NAT9: variants seen among roughly 807,000 people sequenced by gnomAD.
The protein encoded by NAT9 is alpha/beta-tubulin-N-acetyltransferase 9.
In NAT9, 18 loss-of-function variants were observed where a neutral mutation model predicts 24.0. The ratio of observed to expected loss-of-function variants is 0.75; its 90% CI spans 0.52 to 1.11. The LOEUF (loss-of-function observed/expected upper bound fraction) is 1.11, where lower values mean the gene tolerates loss of function less well. Among genes scored for constraint, NAT9 ranks in the 50% most tolerant of loss-of-function variants. NAT9 has a pLI of 0.00. For missense variants in NAT9, 254 were observed against 258.6 expected, an observed-to-expected ratio of 0.98 and a Z score of 0.12; for synonymous variants, 104 against 102.3, an observed-to-expected ratio of 1.02 and a Z score of -0.10.
At position 74,773,586 on chromosome 17, in the gene NAT9, T is replaced by C. The variant is rs895774721; in HGVS notation, c.180A>G (p.Glu60=). Residue 60 remains glutamate, a synonymous_variant, in exon 3 of 7, where the codon GAA becomes GAG. Coordinates refer to ENST00000357814, the MANE Select transcript of NAT9 (RefSeq NM_015654.5). ...GGGGGCACTCCTCACTGTCTGCATC[T>C]TCCTGCCAGCTGCACTGCATGGCAT... ...QEYAMQCSWQ[E]DADKCTFIVL... The C allele has an allele frequency of 6.2e-7, 1 of 1,613,848 alleles. No individual in the cohort carries two copies. Among genetic ancestry groups the C allele is most frequent in the Non-Finnish European group, 8.5e-7 (1 of 1,179,964 alleles).
At chr17:74,773,475 C>G in intron 3 of NAT9, 101 bp downstream of exon 3, 1 of 1,056,602 alleles carries the variant, frequency 9.5e-7, no homozygotes, top group Non-Finnish European at 1.4e-6. Context: ...TTTCACAAAG[C>G]TTCTATGGCC....
chr17:74,773,545 G>C (rs1267663360), intron 3 of NAT9, 31 bp downstream of exon 3: 7 of 1,582,032 alleles, frequency 4.4e-6, no homozygotes, highest in Non-Finnish European at 5.2e-6. Flanking sequence ...CCCAGTACCA[G>C]GGCTAGGGGA....
intron 2 of NAT9, 51 bp from the exon 3 acceptor site, chr17:74,773,739 G>C: frequency 2.1e-6 from 3 of 1,459,962 alleles, no homozygotes; most frequent in Non-Finnish European, 2.9e-6. Flanking sequence ...AGAGGCATAC[G>C]TCTGACACCT....
intron 2 of NAT9, 68 bp from the exon 3 acceptor site, chr17:74,773,756 G>T: frequency 7.9e-7 from 1 of 1,265,442 alleles, no homozygotes. Context: ...ACCTTATGAG[G>T]GTCCAGAACC....
rs797013578 is a variant in NAT9, at chr17:74,773,809, T to C, written c.78-121A>G. Reference sequence around the variant, plus strand: ...GGCTCAAAGAAGACCCAAAGGGTTATGATTGCTCCTAAGGCAGGGGCCACA... The same window carrying C: ...GGCTCAAAGAAGACCCAAAGGGTTACGATTGCTCCTAAGGCAGGGGCCACA... On this transcript the variant is annotated intron_variant, in intron 2 of 6. Transcript: ENST00000357814. The C allele has an allele frequency of 3.7e-5, 29 of 784,654 alleles. 1 individual carries two copies. Among genetic ancestry groups the C allele is most frequent in the African/African-American group, 3.6e-4 (21 of 58,528 alleles). 48.6% of individuals were successfully genotyped at this position (784,654 alleles called of 1,614,324 possible). A position where few individuals can be genotyped will look rare whatever the true frequency, so the allele number is the denominator to read the frequency against.
chr17:74,775,803 T>C, intron 1 of NAT9, 96 bp from the exon 2 acceptor site: 5 of 915,776 alleles, frequency 5.5e-6, no homozygotes, highest in Non-Finnish European at 8.7e-6. Flanking sequence ...TAAGTTGACT[T>C]CCGTCATTAG....
chr17:74,772,625 C>T, intron 4 of NAT9: 3 of 1,333,762 alleles, frequency 2.2e-6, no homozygotes, highest in African/African-American at 1.5e-5. Flanking sequence ...GGGTCCCCAG[C>T]CCACCCCAAC....
At chr17:74,773,932 G>C (rs1317956719) in intron 2 of NAT9, 1 of 422,092 alleles carries the variant, frequency 2.4e-6, no homozygotes, top group African/African-American at 2.0e-5. Context: ...TCAGTGCGGA[G>C]GAGCAGTCTG....
In NAT9 at chr17:74,771,783, C is replaced by G. The variant is rs1200174651; in HGVS notation, c.565G>C (p.Glu189Gln). 1.2e-6 allele frequency: 2 copies of G among 1,614,096 alleles called. No homozygotes were observed. The highest frequency in any genetic ancestry group is 1.7e-6 in the Non-Finnish European group (2 of 1,180,028). Residue 189 changes from glutamate to glutamine, a missense_variant, in exon 7 of 7, where the codon GAG becomes CAG. Coordinates refer to ENST00000357814, the MANE Select transcript of NAT9 (RefSeq NM_015654.5). The part of the protein sequence containing the change: ...VSESEHQWLL[E>Q]QTSHVEEKPY... ...TTCTCTTCCACGTGGCTGGTCTGCTCCAGAAGCCACTGATGCTCGGACTCA... is the reference window on the plus strand; with the variant it reads ...TTCTCTTCCACGTGGCTGGTCTGCTGCAGAAGCCACTGATGCTCGGACTCA...
Position 74,773,717 on chromosome 17 carries a change from G to C in NAT9, c.78-29C>G, listed in dbSNP as rs940129486. Reference sequence around the variant, plus strand: ...GGACAGAGGGGTGGCTTTAGACATGGAGGACTCATTCAGAGGCATACGTCT... The same window carrying C: ...GGACAGAGGGGTGGCTTTAGACATGCAGGACTCATTCAGAGGCATACGTCT... On this transcript the variant is annotated intron_variant, in intron 2 of 6. Transcript: ENST00000357814. The C allele has an allele frequency of 3.8e-6, 6 of 1,592,612 alleles. No homozygotes were observed. The Admixed American group carries it at 8.3e-5, about 22-fold the overall frequency.
intron 2 of NAT9, among the ~76,000 whole-genome samples, chr17:74,774,966 C>T (rs2035811045): frequency 6.6e-6 from 1 of 152,018 alleles, no homozygotes; most frequent in African/African-American, 2.4e-5. Flanking sequence ...AGTGATTCTC[C>T]TGCCTCAGCC....
At position 74,775,660 on chromosome 17, in the gene NAT9, C is replaced by A. The variant is rs1233490332; in HGVS notation, c.39G>T (p.Lys13Asn). The A allele has an allele frequency of 6.2e-7, 1 of 1,614,110 alleles. No homozygotes were observed. The highest frequency in any genetic ancestry group is 8.5e-7 in the Non-Finnish European group (1 of 1,179,964). The change falls in exon 2 of 7, where the codon AAG (lysine) becomes AAT (asparagine). Residue 13 changes from lysine (K) to asparagine (N), a missense_variant. Transcript: ENST00000357814. Reference protein sequence around the residue: ...LNQNTLLLGKKVVLVPYTSEH... With the variant: ...LNQNTLLLGKNVVLVPYTSEH... ...CCGAGGTGTAGGGTACAAGGACCACCTTCTTCCCCAGCAGCAAGGTGTTCT... is the reference window on the plus strand; with the variant it reads ...CCGAGGTGTAGGGTACAAGGACCACATTCTTCCCCAGCAGCAAGGTGTTCT...
chr17:74,774,343 G>C (rs2035658389), intron 2 of NAT9, among the ~76,000 whole-genome samples: 1 of 151,668 alleles, frequency 6.6e-6, no homozygotes, highest in African/African-American at 2.4e-5. Context: ...AGGCCAAAAA[G>C]CTGAGAGAAT....
chr17:74,772,420 AG>A (rs1446798715), intron 4 of NAT9, 143 bp from the exon 5 acceptor site: 1 of 1,429,930 alleles, frequency 7.0e-7, no homozygotes, highest in Admixed American at 2.4e-5. Flanking sequence ...ACAGGCACAA[AG>A]AAGTGTGAAA....
intron 3 of NAT9, 33 bp downstream of exon 3, chr17:74,773,543 C>T (rs1213723216): frequency 6.4e-7 from 1 of 1,570,928 alleles, no homozygotes; most frequent in Non-Finnish European, 8.8e-7. Context: ...CTCCCAGTAC[C>T]AGGGCTAGGG....
chr17:74,775,612 G>A lies in NAT9; in HGVS notation c.77+10C>T, dbSNP rs755347193. 5.6e-6 allele frequency: 9 copies of A among 1,613,060 alleles called. No homozygotes were observed. The South Asian group carries it at 8.8e-5, about 16-fold the overall frequency. On this transcript the variant is annotated intron_variant, in intron 2 of 6. Transcript: ENST00000357814. Reference sequence around the variant, plus strand: ...GCTGATACGCACCCCATGTCAAGCGGGAAAGATACCTGGGCACATGCTCCG... The same window carrying A: ...GCTGATACGCACCCCATGTCAAGCGAGAAAGATACCTGGGCACATGCTCCG...
Position 74,773,039 on chromosome 17 carries a change from T to A in NAT9, c.191A>T (p.Lys64Met), listed in dbSNP as rs776013195. 3.1e-6 allele frequency: 5 copies of A among 1,613,512 alleles called. No individual in the cohort carries two copies. Among genetic ancestry groups the A allele is most frequent in the Non-Finnish European group, 4.2e-6 (5 of 1,179,848 alleles). ...MQCSWQEDAD[K>M]CTFIVLDAEK... ...GGCATCCAGCACAATGAAGGTACACTCTGAGGAGGAGGTGACAGGGCTATC... is the reference window on the plus strand; with the variant it reads ...GGCATCCAGCACAATGAAGGTACACACTGAGGAGGAGGTGACAGGGCTATC... The change falls in exon 4 of 7, where the codon AAG becomes ATG. Residue 64 changes from lysine to methionine, a missense_variant and splice_region_variant. Lys to Met is a moderately conservative substitution (Grantham distance 95). Transcript: ENST00000357814.
intron 5 of NAT9, 21 bp downstream of exon 5, chr17:74,772,197 T>A (rs549295494): frequency 5.0e-6 from 8 of 1,614,090 alleles, no homozygotes; most frequent in Admixed American, 1.7e-5. Flanking sequence ...CTTCCCGCAT[T>A]GTCTGCTCAC....
intron 1 of NAT9, 116 bp downstream of exon 1, chr17:74,776,151 A>T (rs2036040213): frequency 6.5e-6 from 1 of 154,074 alleles, no homozygotes. Context: ...CCCGCCCCCG[A>T]CCACTTCAGG....
Sources: allele counts gnomAD v4.1 joint callset (sites outside exome capture counted in the v4.1 genomes callset), GRCh38; gene constraint gnomAD v4.1.1; transcripts MANE v1.5; gene names NCBI Gene and HGNC (gene_info 2026-07-23, HGNC 2026-07-21).